The following CSMD1 variants were observed in gnomAD, a reference collection of about 807,000 sequenced individuals.
CSMD1 encodes CUB and sushi domain-containing protein 1.
CSMD1 carries 213 observed loss-of-function variants against 417.5 expected under a neutral mutation model. The ratio of observed to expected loss-of-function variants is 0.51; its 90% confidence interval spans 0.46 to 0.57. The LOEUF (loss-of-function observed/expected upper bound fraction) is 0.57. Ranked by LOEUF, CSMD1 falls within the 20% of genes least tolerant of loss-of-function variation. CSMD1 has a pLI of 0.00. For missense variants in CSMD1, 6,923 were observed against 4,529.7 expected (o/e 1.53, Z -15.17); for synonymous variants, 2,862 against 1,736.8 (o/e 1.65, Z -16.11).
intron 5 of CSMD1, among the ~76,000 whole-genome samples, chr8:3,782,356 T>TC (rs1370136014): frequency 6.6e-6 from 1 of 152,160 alleles, no homozygotes; most frequent in East Asian, 1.9e-4. Flanking sequence ...AAAAGGGAAC[T>TC]CCGGCAAGTC....
chr8:3,511,099 A>G (rs1463990284), intron 10 of CSMD1, among the ~76,000 whole-genome samples: 2 of 151,846 alleles, frequency 1.3e-5, no homozygotes, highest in Non-Finnish European at 2.9e-5. Context: ...ATGAAGCTGG[A>G]AACCATCACT....
chr8:3,926,253 T>G (rs1331084889), intron 5 of CSMD1, among the ~76,000 whole-genome samples: 1 of 152,168 alleles, frequency 6.6e-6, no homozygotes, highest in Non-Finnish European at 1.5e-5. Context: ...AATGGTAAAA[T>G]CACAATCCAT....
chr8:4,396,613 T>G (rs1222334179), intron 3 of CSMD1, among the ~76,000 whole-genome samples: 4 of 132,834 alleles, frequency 3.0e-5, no homozygotes, highest in Non-Finnish European at 6.3e-5. Context: ...AAGGAAAATG[T>G]GATACACACA....
intron 2 of CSMD1, among the ~76,000 whole-genome samples, chr8:4,621,587 C>T (rs1478764606): frequency 1.3e-5 from 2 of 151,994 alleles, no homozygotes; most frequent in East Asian, 1.9e-4. Flanking sequence ...ACTCCAGGAG[C>T]AGATTTTTCT....
chr8:3,190,368 C>T (rs2129050921), intron 33 of CSMD1, among the ~76,000 whole-genome samples: 1 of 152,158 alleles, frequency 6.6e-6, no homozygotes, highest in African/African-American at 2.4e-5. Context: ...AACTGTACTT[C>T]GCCCTCAGGA....
intron 3 of CSMD1, among the ~76,000 whole-genome samples, chr8:4,160,064 G>C (rs1028717416): frequency 2.0e-5 from 3 of 150,392 alleles, no homozygotes; most frequent in African/African-American, 4.9e-5. Context: ...AATACCACCT[G>C]TTCTCCAAAA....
chr8:4,663,350 T>C (rs984971444), intron 1 of CSMD1, among the ~76,000 whole-genome samples: 1 of 152,220 alleles, frequency 6.6e-6, no homozygotes, highest in Non-Finnish European at 1.5e-5. Context: ...CTACGTAGAA[T>C]CTACAGGTAT....
intron 2 of CSMD1, among the ~76,000 whole-genome samples, chr8:4,510,613 C>G (rs1802771568): frequency 6.8e-6 from 1 of 147,306 alleles, no homozygotes; most frequent in South Asian, 2.2e-4. Context: ...CCTTCCTTCC[C>G]TCCTCCCTTC....
At chr8:3,772,138 T>G (rs1384678302) in intron 5 of CSMD1, among the ~76,000 whole-genome samples, 1 of 145,604 alleles carries the variant, frequency 6.9e-6, no homozygotes, top group Non-Finnish European at 1.5e-5. Context: ...GAACACCTCC[T>G]TTTCTCCTTG....
chr8:3,906,603 C>T (rs1808128272), intron 5 of CSMD1, among the ~76,000 whole-genome samples: 1 of 150,048 alleles, frequency 6.7e-6, no homozygotes, highest in South Asian at 2.1e-4. Flanking sequence ...AAAGGTAATA[C>T]TCTAGAATCT....
intron 8 of CSMD1, among the ~76,000 whole-genome samples, chr8:3,610,057 A>G (rs950163190): frequency 2.0e-5 from 3 of 151,882 alleles, no homozygotes; most frequent in Non-Finnish European, 4.4e-5. Context: ...ACCTTAGCCT[A>G]CAGCACCCAG....
rs537185511 is a variant in CSMD1 at position 3,648,820 on chromosome 8, C to T, written c.1010-32023G>A. On this transcript the variant is annotated intron_variant, in intron 7 of 69. Coordinates refer to ENST00000635120, the MANE Select transcript of CSMD1 (RefSeq NM_033225.6). ...ACGCGGCACCCCTCTCAGAACATGA[C>T]ATTTCTCTTTACTGTCTTATGTTAT... is the stretch of plus-strand genomic sequence containing the variant. 2.0e-5 allele frequency among the ~76,000 whole-genome samples: 3 copies of T among 152,260 alleles called. No homozygotes were observed. The East Asian group carries it at 5.8e-4, about 29-fold the overall frequency.
chr8:3,395,592 T>C (rs576108627), intron 17 of CSMD1, among the ~76,000 whole-genome samples: 1 of 152,380 alleles, frequency 6.6e-6, no homozygotes, highest in South Asian at 2.1e-4. Context: ...ATACATTCCA[T>C]TATAATATTT....
intron 36 of CSMD1, among the ~76,000 whole-genome samples, chr8:3,181,522 T>C (rs1162600722): frequency 1.3e-5 from 2 of 152,206 alleles, no homozygotes; most frequent in Admixed American, 6.5e-5. Flanking sequence ...GCTTCTTAAA[T>C]TTATTTTTTT....
intron 1 of CSMD1, among the ~76,000 whole-genome samples, chr8:4,820,392 A>C (rs536613359): frequency 4.6e-5 from 7 of 152,290 alleles, no homozygotes; most frequent in African/African-American, 1.7e-4. Flanking sequence ...ATTTTAATAG[A>C]GCTTGCTTGG....
At chr8:4,397,266 A>G (rs1002476434) in intron 3 of CSMD1, among the ~76,000 whole-genome samples, 1 of 152,192 alleles carries the variant, frequency 6.6e-6, no homozygotes. Context: ...TTTCATAAAA[A>G]CTGAGCATTA....
chr8:4,612,363 G>C (rs1445704004), intron 2 of CSMD1, among the ~76,000 whole-genome samples: 1 of 151,834 alleles, frequency 6.6e-6, no homozygotes, highest in Non-Finnish European at 1.5e-5. Flanking sequence ...AAAAAAACAA[G>C]AGGAATGGTT....
intron 23 of CSMD1, among the ~76,000 whole-genome samples, chr8:3,309,778 C>T (rs1159648401): frequency 6.6e-6 from 1 of 152,148 alleles, no homozygotes; most frequent in Non-Finnish European, 1.5e-5. Context: ...CTGAGATGCC[C>T]TTCCATTGAG....
At chr8:4,292,295 C>T (rs550380297) in intron 3 of CSMD1, among the ~76,000 whole-genome samples, 1 of 152,254 alleles carries the variant, frequency 6.6e-6, no homozygotes, top group African/African-American at 2.4e-5. Context: ...CTCTGTCGCC[C>T]AGGCTGGAGT....
Sources: gnomAD v4.1 joint callset for allele counts (sites outside exome capture counted in the v4.1 genomes callset) on GRCh38, gnomAD v4.1.1 for gene constraint, MANE v1.5 for transcripts, NCBI Gene and HGNC (gene_info 2026-07-23, HGNC 2026-07-21) for gene names.